Variants in SPACDR observed in about 807,000 individuals in gnomAD.
The protein encoded by SPACDR is sperm acrosome developmental regulator.
the SPACDR span, chr7:100,463,390 C>G: frequency 6.2e-7 from 1 of 1,606,836 alleles, no homozygotes; most frequent in Non-Finnish European, 8.5e-7. Context: ...GCCAGCCGCT[C>G]TGCAGGGCAG....
the SPACDR span, chr7:100,463,689 G>T: frequency 1.2e-6 from 2 of 1,612,722 alleles, no homozygotes; most frequent in Non-Finnish European, 1.7e-6. Context: ...AAGAAAACCT[G>T]AGAACCAAGA....
chr7:100,456,824 G>T, the SPACDR span: 1 of 1,613,176 alleles, frequency 6.2e-7, no homozygotes, highest in Non-Finnish European at 8.5e-7. Flanking sequence ...GGCATCGGAC[G>T]TGGTGCCGTC....
At chr7:100,463,462 C>CT in the SPACDR span, 1 of 1,613,836 alleles carries the variant, frequency 6.2e-7, no homozygotes, top group South Asian at 1.1e-5. Context: ...GGGATTGGCC[C>CT]TGTTGGCCCA....
At chr7:100,457,857 ATTTT>A in the SPACDR span, among the ~76,000 whole-genome samples, 610 of 88,294 alleles carry the variant, frequency 6.9e-3, 12 homozygotes, top group Non-Finnish European at 7.6e-3. Context: ...ATATATATAT[ATTTT>A]TTTTTTTTTT....
At chr7:100,462,440 C>T in the SPACDR span, among the ~76,000 whole-genome samples, 1 of 151,874 alleles carries the variant, frequency 6.6e-6, no homozygotes, top group African/African-American at 2.4e-5. Flanking sequence ...GTCTCAATCT[C>T]CTGACCTCGT....
the SPACDR span, among the ~76,000 whole-genome samples, chr7:100,458,276 T>G: frequency 6.6e-6 from 1 of 151,630 alleles, no homozygotes; most frequent in East Asian, 1.9e-4. Flanking sequence ...TGCAGGTTCA[T>G]GTATCCAACT....
chr7:100,462,650 G>A, the SPACDR span, among the ~76,000 whole-genome samples: 3 of 151,880 alleles, frequency 2.0e-5, no homozygotes, highest in South Asian at 6.2e-4. Context: ...CCAAGTAGCT[G>A]GAAATACAGG....
At chr7:100,464,036 G>A in the SPACDR span, 1 of 1,343,404 alleles carries the variant, frequency 7.4e-7, no homozygotes, top group Non-Finnish European at 9.8e-7. Flanking sequence ...CTCTCTTGAT[G>A]GGAAAAACAC....
At chr7:100,456,929 C>G in the SPACDR span, 18 of 1,613,732 alleles carry the variant, frequency 1.1e-5, no homozygotes, top group Middle Eastern at 6.6e-4. Flanking sequence ...CCTCCGGAGT[C>G]TTCAAAGGTG....
At chr7:100,463,091 G>A in the SPACDR span, among the ~76,000 whole-genome samples, 2 of 148,974 alleles carry the variant, frequency 1.3e-5, no homozygotes, top group Non-Finnish European at 3.0e-5. Context: ...GCGACAGAGG[G>A]AGACTCTGTC....
the SPACDR span, among the ~76,000 whole-genome samples, chr7:100,457,225 A>G: frequency 6.6e-6 from 1 of 150,496 alleles, no homozygotes; most frequent in Non-Finnish European, 1.5e-5. Context: ...CTGGTCTCGA[A>G]CTCCTGGGCT....
chr7:100,463,890 G>T, the SPACDR span: 18 of 1,506,016 alleles, frequency 1.2e-5, no homozygotes, highest in Non-Finnish European at 1.5e-5. Flanking sequence ...GGGAACCCAC[G>T]CAGTAAGGGG....
the SPACDR span, chr7:100,464,097 G>T: frequency 1.9e-6 from 1 of 528,850 alleles, no homozygotes; most frequent in Non-Finnish European, 3.3e-6. Context: ...GCGGGTGGGG[G>T]ATGGGGTGGG....
the SPACDR span, among the ~76,000 whole-genome samples, chr7:100,463,188 G>T: frequency 1.2e-4 from 18 of 151,864 alleles, no homozygotes; most frequent in Admixed American, 1.1e-3. Context: ...TGCCCAGGCT[G>T]GTCTCGAATT....
At chr7:100,457,863 T>A in the SPACDR span, among the ~76,000 whole-genome samples, 76 of 76,584 alleles carry the variant, frequency 9.9e-4, no homozygotes, top group Admixed American at 3.7e-3. Flanking sequence ...ATATATTTTT[T>A]TTTTTTTTTG....
chr7:100,459,952 C>T, the SPACDR span, among the ~76,000 whole-genome samples: 1 of 151,092 alleles, frequency 6.6e-6, no homozygotes, highest in Non-Finnish European at 1.5e-5. Context: ...TACAGTGGCG[C>T]TATTTCAGCT....
At chr7:100,464,186 G>A in the SPACDR span, 29 of 1,482,282 alleles carry the variant, frequency 2.0e-5, no homozygotes, top group East Asian at 7.0e-4. Context: ...AGGAAATCCT[G>A]GGGGAAGCCC....
chr7:100,463,035 T>G, the SPACDR span, among the ~76,000 whole-genome samples: 2 of 141,110 alleles, frequency 1.4e-5, no homozygotes, highest in Non-Finnish European at 1.5e-5. Context: ...ACCGGGGAGG[T>G]GGAGGTTGCA....
chr7:100,457,616 G>T, the SPACDR span, among the ~76,000 whole-genome samples: 2 of 126,134 alleles, frequency 1.6e-5, no homozygotes, highest in Admixed American at 8.1e-5. Flanking sequence ...ACCATGCCTG[G>T]CCTTTTTTTT....
Sources: gnomAD v4.1 joint callset for allele counts (sites outside exome capture counted in the v4.1 genomes callset) on GRCh38, gnomAD v4.1.1 for gene constraint, MANE v1.5 for transcripts, NCBI Gene and HGNC (gene_info 2026-07-23, HGNC 2026-07-21) for gene names.